The following RANBP2 variants were observed in gnomAD, a reference collection of about 807,000 sequenced individuals.
The protein encoded by RANBP2 is RAN binding protein 2.
Under a neutral mutation model 303.6 loss-of-function variants are expected in RANBP2, and 57 were observed. That is an observed-to-expected ratio of 0.19 (90% confidence interval 0.15 to 0.23). The LOEUF (loss-of-function observed/expected upper bound fraction) is 0.23. RANBP2 is among the 10% of genes least tolerant of loss of function. RANBP2 has a pLI of 1.00. For synonymous variants in RANBP2, 1,167 were observed against 1,301.5 expected, an observed-to-expected ratio of 0.90 and a Z score of 2.23; for missense variants, 3,138 against 3,780.8, an observed-to-expected ratio of 0.83 and a Z score of 4.46.
chr2:108,816,041 A>T, the RANBP2 span: 1 of 1,613,894 alleles, frequency 6.2e-7, no homozygotes, highest in Non-Finnish European at 8.5e-7. Context: ...TCTGGAATGG[A>T]TGGTAAAAAA....
chr2:108,851,298 GTTGT>G, the RANBP2 span, among the ~76,000 whole-genome samples: 5 of 151,934 alleles, frequency 3.3e-5, no homozygotes, highest in Admixed American at 6.6e-5. Context: ...TTTGTTTTTT[GTTGT>G]TTGTTTGTTT....
the RANBP2 span, among the ~76,000 whole-genome samples, chr2:109,494,533 A>G: frequency 9.9e-5 from 15 of 152,280 alleles, no homozygotes; most frequent in East Asian, 2.9e-3. Flanking sequence ...GGCCCTGCAG[A>G]CTTGTGAGTA....
chr2:109,422,907 G>A, the RANBP2 span, among the ~76,000 whole-genome samples: 1 of 152,150 alleles, frequency 6.6e-6, no homozygotes, highest in Non-Finnish European at 1.5e-5. Context: ...ATCACCTACA[G>A]CAATGGAGGA....
At chr2:109,507,110 G>A in the RANBP2 span, among the ~76,000 whole-genome samples, 2 of 152,162 alleles carry the variant, frequency 1.3e-5, no homozygotes, top group Non-Finnish European at 2.9e-5. Flanking sequence ...TGGGCAAAAC[G>A]CTAGCAGGGA....
chr2:109,586,815 CAATCAG>C, the RANBP2 span, among the ~76,000 whole-genome samples: 2 of 152,160 alleles, frequency 1.3e-5, no homozygotes, highest in Non-Finnish European at 2.9e-5. Flanking sequence ...CATAACTCAG[CAATCAG>C]AAAGCACAGC....
At position 108,782,359 on chromosome 2, in the gene RANBP2, G is replaced by A. The variant is rs755840011; in HGVS notation, c.8992G>A (p.Val2998Ile). ...TKTMELKPLNVSNNALVWTAS... is the reference protein window; with the variant it reads ...TKTMELKPLNISNNALVWTAS... ...AACAATGGAATTAAAGCCCTTAAATGTTTCAAATAATGCTTTAGTTTGGAC... is the reference window on the plus strand; with the variant it reads ...AACAATGGAATTAAAGCCCTTAAATATTTCAAATAATGCTTTAGTTTGGAC... Residue 2998 changes from valine (V) to isoleucine (I), a missense_variant, in exon 27 of 29, where the codon GTT becomes ATT. Val to Ile is a conservative substitution (Grantham distance 29). This residue lies in a region of RANBP2 where 204 missense variants were observed against 228.4 expected (regional missense o/e 0.89). Transcript: ENST00000283195. 3.1e-6 allele frequency: 5 copies of A among 1,614,118 alleles called. No homozygotes were observed. The South Asian group carries it at 5.5e-5, about 18-fold the overall frequency.
chr2:109,264,337 C>A, the RANBP2 span, among the ~76,000 whole-genome samples: 2 of 148,206 alleles, frequency 1.3e-5, no homozygotes, highest in Non-Finnish European at 3.0e-5. Flanking sequence ...GTTCACCTCC[C>A]CAGGATCCAC....
chr2:109,288,680 CT>C, the RANBP2 span, among the ~76,000 whole-genome samples: 5 of 152,120 alleles, frequency 3.3e-5, no homozygotes, highest in Non-Finnish European at 7.4e-5. Flanking sequence ...GTTTTTTTCT[CT>C]TTGCCGGGAG....
the RANBP2 span, among the ~76,000 whole-genome samples, chr2:109,289,388 G>A: frequency 6.6e-6 from 1 of 152,080 alleles, no homozygotes; most frequent in African/African-American, 2.4e-5. Context: ...AGAGTTTTAG[G>A]GTACTCTTCT....
chr2:109,614,037 C>A, the RANBP2 span: 1 of 1,209,038 alleles, frequency 8.3e-7, no homozygotes, highest in Non-Finnish European at 1.0e-6. Context: ...GCGCGCTGAG[C>A]GTTTTGCCTG....
At chr2:109,438,546 A>G in the RANBP2 span, among the ~76,000 whole-genome samples, 1 of 152,188 alleles carries the variant, frequency 6.6e-6, no homozygotes, top group Non-Finnish European at 1.5e-5. Flanking sequence ...GTAAGTCTCT[A>G]CTAGTATCTT....
the RANBP2 span, chr2:109,543,117 C>T: frequency 6.6e-6 from 1 of 152,460 alleles, no homozygotes; most frequent in African/African-American, 2.4e-5. Context: ...CTGAGAATAC[C>T]AGTAAGGCAC....
chr2:109,008,898 C>CAAAAAAA, the RANBP2 span, among the ~76,000 whole-genome samples: 1 of 122,506 alleles, frequency 8.2e-6, no homozygotes, highest in Non-Finnish European at 1.7e-5. Flanking sequence ...GATTCCATCT[C>CAAAAAAA]AAAAAAAAAA....
At chr2:109,614,129 G>A in the RANBP2 span, 1 of 1,205,428 alleles carries the variant, frequency 8.3e-7, no homozygotes, top group East Asian at 3.4e-5. Context: ...AGGAGAGCTG[G>A]GACTCCAGGA....
At chr2:109,618,044 A>G in the RANBP2 span, 1 of 167,036 alleles carries the variant, frequency 6.0e-6, no homozygotes, top group African/African-American at 2.4e-5. Context: ...GATGAATGAA[A>G]ATATGAAATA....
the RANBP2 span, among the ~76,000 whole-genome samples, chr2:109,415,306 A>C: frequency 6.6e-6 from 1 of 152,198 alleles, no homozygotes; most frequent in Non-Finnish European, 1.5e-5. Context: ...TGTGGTGGCT[A>C]AGCACGTGGC....
At chr2:109,733,180 GA>G in the RANBP2 span, 134,956 of 289,504 alleles carry the variant, frequency 0.47, 19,300 homozygotes, top group Non-Finnish European at 0.5. Context: ...TAGGTCAAAT[GA>G]AAAAAAAAAA....
the RANBP2 span, among the ~76,000 whole-genome samples, chr2:109,196,230 G>A: frequency 2.4e-4 from 36 of 152,258 alleles, no homozygotes; most frequent in African/African-American, 7.0e-4. Context: ...TGTTTGGGAC[G>A]GCAGAGACTG....
the RANBP2 span, among the ~76,000 whole-genome samples, chr2:109,559,460 C>T: frequency 6.6e-6 from 1 of 152,206 alleles, no homozygotes; most frequent in Non-Finnish European, 1.5e-5. Flanking sequence ...CGTAGCCTGA[C>T]CTAAGCTGAA....
Sources: allele counts gnomAD v4.1 joint callset (sites outside exome capture counted in the v4.1 genomes callset), GRCh38; gene constraint gnomAD v4.1.1; regional missense constraint gnomAD v4.1.1; transcripts MANE v1.5; gene names NCBI Gene and HGNC (gene_info 2026-07-23, HGNC 2026-07-21).